RAB11FIP4: variants seen among roughly 807,000 people sequenced by gnomAD.
RAB11FIP4 encodes the protein RAB11 family interacting protein 4, also known as rab11 family-interacting protein 4.
In RAB11FIP4, 23 loss-of-function variants were observed where a neutral mutation model predicts 74.3. The ratio of observed to expected loss-of-function variants is 0.31; its 90% confidence interval spans 0.22 to 0.44. The LOEUF (loss-of-function observed/expected upper bound fraction) is 0.44, where lower values mean the gene tolerates loss of function less well. Ranked by LOEUF, RAB11FIP4 falls within the 20% of genes least tolerant of loss-of-function variation. RAB11FIP4 has a pLI of 1.00. For missense variants in RAB11FIP4, 630 were observed against 863.9 expected, an observed-to-expected ratio of 0.73 and a Z score of 3.39; for synonymous variants, 360 against 359.9, an observed-to-expected ratio of 1.00 and a Z score of 0.00.
chr17:31,503,454 C>T (rs2072259097), intron 3 of RAB11FIP4, among the ~76,000 whole-genome samples: 1 of 149,662 alleles, frequency 6.7e-6, no homozygotes, highest in African/African-American at 2.6e-5. Context: ...AGAAAAGGGT[C>T]TTGGGAACCT....
At chr17:31,406,164 G>T (rs2071039649) in intron 1 of RAB11FIP4, among the ~76,000 whole-genome samples, 1 of 152,360 alleles carries the variant, frequency 6.6e-6, no homozygotes, top group East Asian at 1.9e-4. Flanking sequence ...CGGAAGGGGG[G>T]TTGTCTGGAG....
intron 3 of RAB11FIP4, among the ~76,000 whole-genome samples, chr17:31,449,694 A>G (rs1805439717): frequency 6.6e-6 from 1 of 151,934 alleles, no homozygotes; most frequent in Non-Finnish European, 1.5e-5. Flanking sequence ...GGCATCTGCC[A>G]TCATCCCCAG....
chr17:31,402,678 G>C (rs1043690164), intron 1 of RAB11FIP4, among the ~76,000 whole-genome samples: 1 of 151,296 alleles, frequency 6.6e-6, no homozygotes, highest in Non-Finnish European at 1.5e-5. Flanking sequence ...CTGGCGTGCA[G>C]TGGCGCAATC....
intron 3 of RAB11FIP4, among the ~76,000 whole-genome samples, chr17:31,484,341 G>T (rs1193612858): frequency 6.6e-6 from 1 of 151,604 alleles, no homozygotes; most frequent in African/African-American, 2.4e-5. Context: ...AAAGTGCTGG[G>T]ATTACAGGAG....
chr17:31,508,895 G>A (rs1008412224), intron 3 of RAB11FIP4, among the ~76,000 whole-genome samples: 19 of 152,166 alleles, frequency 1.2e-4, no homozygotes, highest in African/African-American at 4.1e-4. Context: ...TGAGATCGGA[G>A]AGAGAGACAG....
intron 3 of RAB11FIP4, among the ~76,000 whole-genome samples, chr17:31,468,072 G>A (rs941683297): frequency 6.6e-6 from 1 of 152,198 alleles, no homozygotes; most frequent in African/African-American, 2.4e-5. Context: ...TTTGCACTCA[G>A]TGCTTCCAGG....
intron 10 of RAB11FIP4, chr17:31,526,758 A>G (rs938067009): frequency 6.6e-6 from 1 of 152,324 alleles, no homozygotes; most frequent in Non-Finnish European, 1.5e-5. Flanking sequence ...ATCCTGGCCA[A>G]CATGGTGAAA....
At chr17:31,393,809 C>T (rs1946546104) in intron 1 of RAB11FIP4, among the ~76,000 whole-genome samples, 1 of 152,170 alleles carries the variant, frequency 6.6e-6, no homozygotes, top group Admixed American at 6.5e-5. Flanking sequence ...AGACCTCTGG[C>T]TTCTGGCCTT....
chr17:31,416,872 A>G (rs1257152992), intron 1 of RAB11FIP4, among the ~76,000 whole-genome samples: 3 of 152,134 alleles, frequency 2.0e-5, no homozygotes, highest in African/African-American at 7.2e-5. Flanking sequence ...GACACCAGCC[A>G]GCTCTGCCGC....
intron 3 of RAB11FIP4, among the ~76,000 whole-genome samples, chr17:31,483,638 T>C (rs986745413): frequency 1.3e-5 from 2 of 152,146 alleles, no homozygotes; most frequent in African/African-American, 4.8e-5. Flanking sequence ...ACAAACTCAG[T>C]TTGAGAACAA....
At chr17:31,504,661 C>T (rs2072283635) in intron 3 of RAB11FIP4, among the ~76,000 whole-genome samples, 1 of 152,180 alleles carries the variant, frequency 6.6e-6, no homozygotes, top group Admixed American at 6.5e-5. Flanking sequence ...TTTTCCTTCA[C>T]AACTATATGC....
intron 1 of RAB11FIP4, among the ~76,000 whole-genome samples, chr17:31,423,459 CT>C (rs2071218823): frequency 6.6e-6 from 1 of 152,204 alleles, no homozygotes; most frequent in Non-Finnish European, 1.5e-5. Flanking sequence ...CCTCAACCCC[CT>C]GGCCTTAAGC....
intron 3 of RAB11FIP4, among the ~76,000 whole-genome samples, chr17:31,485,685 G>A (rs895456524): frequency 6.6e-6 from 1 of 152,150 alleles, no homozygotes; most frequent in African/African-American, 2.4e-5. Context: ...GATAGAGTGG[G>A]CCCAGGGTGC....
chr17:31,434,144 G>A, intron 3 of RAB11FIP4, 22 bp downstream of exon 3: 1 of 1,545,006 alleles, frequency 6.5e-7, no homozygotes, highest in Non-Finnish European at 8.7e-7. Flanking sequence ...GGGGCCTCAA[G>A]GACCTCCATG....
At chr17:31,529,558 G>A (rs1343023501) in intron 13 of RAB11FIP4, among the ~76,000 whole-genome samples, 1 of 152,198 alleles carries the variant, frequency 6.6e-6, no homozygotes, top group African/African-American at 2.4e-5. Flanking sequence ...ATGAGCCACT[G>A]TGCCTAGCCA....
intron 3 of RAB11FIP4, among the ~76,000 whole-genome samples, chr17:31,499,182 C>T (rs1021068900): frequency 6.6e-6 from 1 of 152,128 alleles, no homozygotes; most frequent in African/African-American, 2.4e-5. Flanking sequence ...GAAATCTTTT[C>T]TGAGAATTTA....
At chr17:31,402,715 A>G (rs910338114) in intron 1 of RAB11FIP4, among the ~76,000 whole-genome samples, 4 of 151,180 alleles carry the variant, frequency 2.6e-5, no homozygotes, top group African/African-American at 4.9e-5. Flanking sequence ...TCTGCCTCCC[A>G]GGTTCACGCC....
chr17:31,523,748 G>A (rs1166224331), intron 8 of RAB11FIP4, 137 bp downstream of exon 8: 12 of 1,033,590 alleles, frequency 1.2e-5, no homozygotes, highest in African/African-American at 9.4e-5. Context: ...CCCTGGTCAC[G>A]TGTTCCCCAC....
intron 9 of RAB11FIP4, 156 bp from the exon 10 acceptor site, chr17:31,524,934 T>C: frequency 1.2e-6 from 1 of 825,298 alleles, no homozygotes. Flanking sequence ...ATATGTGCGG[T>C]GTCCCCGTTC....
Sources: allele counts gnomAD v4.1 joint callset (sites outside exome capture counted in the v4.1 genomes callset), GRCh38; gene constraint gnomAD v4.1.1; transcripts MANE v1.5; gene names NCBI Gene and HGNC (gene_info 2026-07-23, HGNC 2026-07-21).